Variants in PARM1 observed in about 807,000 individuals in gnomAD.
PARM1 encodes prostate androgen-regulated mucin-like protein 1.
In PARM1, 14 loss-of-function variants were observed where a neutral mutation model predicts 24.6. The observed-to-expected ratio is 0.57, with a 90% CI of 0.38 to 0.89. PARM1 has a LOEUF of 0.89. Among genes scored for constraint, PARM1 ranks in the 40% least tolerant of loss-of-function variants. The pLI is 0.00. For synonymous variants in PARM1, 179 were observed against 156.6 expected (o/e 1.14, Z -1.07); for missense variants, 362 against 380.4 (o/e 0.95, Z 0.40).
intron 1 of PARM1, among the ~76,000 whole-genome samples, chr4:74,941,612 T>A (rs1307149973): frequency 6.6e-6 from 1 of 152,216 alleles, no homozygotes; most frequent in Admixed American, 6.5e-5. Flanking sequence ...ATATAGTATT[T>A]GTTTTAGTGT....
chr4:75,029,304 A>T (rs1723236350), intron 2 of PARM1, among the ~76,000 whole-genome samples: 1 of 152,282 alleles, frequency 6.6e-6, no homozygotes, highest in African/African-American at 2.4e-5. Context: ...CCAGGATGTT[A>T]TCTGACTCTA....
intron 1 of PARM1, among the ~76,000 whole-genome samples, chr4:74,937,979 T>G (rs1430179759): frequency 6.6e-6 from 1 of 152,230 alleles, no homozygotes; most frequent in Non-Finnish European, 1.5e-5. Flanking sequence ...ATAGAAACTT[T>G]TGCAAACTGG....
intron 1 of PARM1, among the ~76,000 whole-genome samples, chr4:74,974,104 T>A (rs963306815): frequency 6.6e-6 from 1 of 152,166 alleles, no homozygotes; most frequent in African/African-American, 2.4e-5. Flanking sequence ...TGTCCCACAT[T>A]ATGCCATGAG....
chr4:75,046,144 T>G lies in PARM1; in HGVS notation c.849-19T>G. 1.3e-6 allele frequency: 2 copies of G among 1,575,100 alleles called. No individual in the cohort carries two copies. The highest frequency in any genetic ancestry group is 1.7e-6 in the Non-Finnish European group (2 of 1,144,778). On this transcript the variant is annotated intron_variant, in intron 3 of 3. Transcript: ENST00000307428. ...CAACTTTTCCAAGTAATCACAACCC[T>G]CTTCTGTTTCTCCACCAGGCATTCC...
At chr4:75,039,997 C>T (rs1024507281) in intron 3 of PARM1, among the ~76,000 whole-genome samples, 21 of 152,330 alleles carry the variant, frequency 1.4e-4, no homozygotes, top group Middle Eastern at 3.4e-3. Context: ...ATACCATGTG[C>T]TTCCCTGTAC....
chr4:74,984,827 T>G (rs913873545), intron 1 of PARM1, among the ~76,000 whole-genome samples: 1 of 152,194 alleles, frequency 6.6e-6, no homozygotes, highest in Non-Finnish European at 1.5e-5. Flanking sequence ...TTTAAAAGAT[T>G]GTTAAAGAAA....
intron 1 of PARM1, among the ~76,000 whole-genome samples, chr4:74,946,435 T>C (rs1263904793): frequency 6.6e-6 from 1 of 152,190 alleles, no homozygotes; most frequent in Non-Finnish European, 1.5e-5. Flanking sequence ...CTCTTGCCAG[T>C]CTTGGGACTT....
At chr4:74,966,450 T>G (rs1374068907) in intron 1 of PARM1, among the ~76,000 whole-genome samples, 1 of 152,162 alleles carries the variant, frequency 6.6e-6, no homozygotes, top group East Asian at 1.9e-4. Flanking sequence ...CTAAACCAAC[T>G]GAAGAGGATT....
In PARM1 at chr4:75,048,558, C is replaced by T. The variant is rs1723657084; in HGVS notation, c.*2311C>T. On this transcript the variant is annotated 3_prime_UTR_variant, in exon 4 of 4. Coordinates refer to ENST00000307428, the MANE Select transcript of PARM1 (RefSeq NM_015393.4). ...ATTTTGACACAATGTTTGTGAAACACCTTTGGAGAGGTGCACTTCTGAATG... is the reference window on the plus strand; with the variant it reads ...ATTTTGACACAATGTTTGTGAAACATCTTTGGAGAGGTGCACTTCTGAATG... The T allele has an allele frequency of 6.6e-6, 1 of 152,244 alleles. No homozygotes were observed. Among genetic ancestry groups the T allele is most frequent in the Admixed American group, 6.5e-5 (1 of 15,282 alleles). The allele number at this position is 152,244 out of a possible 1,614,324, so 9.4% of individuals were successfully genotyped here. A position where few individuals can be genotyped will look rare whatever the true frequency, so the allele number is the denominator to read the frequency against.
chr4:74,949,260 A>G (rs1341531803), intron 1 of PARM1, among the ~76,000 whole-genome samples: 1 of 152,130 alleles, frequency 6.6e-6, no homozygotes, highest in Non-Finnish European at 1.5e-5. Flanking sequence ...GAAAAAATGC[A>G]TCTATTTGTT....
intron 1 of PARM1, among the ~76,000 whole-genome samples, chr4:74,936,090 C>A (rs942227003): frequency 6.6e-6 from 1 of 152,200 alleles, no homozygotes; most frequent in Non-Finnish European, 1.5e-5. Flanking sequence ...CCACCTTGGT[C>A]ATCCAAAGTA....
At chr4:74,979,109 G>C (rs1274184130) in intron 1 of PARM1, among the ~76,000 whole-genome samples, 1 of 151,604 alleles carries the variant, frequency 6.6e-6, no homozygotes. Context: ...ACCAAGATCA[G>C]AGAGGAACAG....
At chr4:74,969,723 G>C (rs537443880) in intron 1 of PARM1, 2 of 152,350 alleles carry the variant, frequency 1.3e-5, no homozygotes, top group South Asian at 4.1e-4. Flanking sequence ...CTCGTGAGAA[G>C]GCAGGTGTCT....
intron 1 of PARM1, among the ~76,000 whole-genome samples, chr4:74,941,195 T>A (rs1270438039): frequency 6.6e-6 from 1 of 152,232 alleles, no homozygotes; most frequent in African/African-American, 2.4e-5. Flanking sequence ...ACAATGTTGA[T>A]GGAAATGACA....
At chr4:74,989,679 T>TAAAGACCAAG in intron 1 of PARM1, among the ~76,000 whole-genome samples, 1 of 152,266 alleles carries the variant, frequency 6.6e-6, no homozygotes, top group Admixed American at 6.5e-5. Flanking sequence ...TGTAGAAGTT[T>TAAAGACCAAG]TAGAGTAGGG....
chr4:75,030,435 A>G (rs1041025536), intron 2 of PARM1, among the ~76,000 whole-genome samples: 1 of 152,130 alleles, frequency 6.6e-6, no homozygotes, highest in Non-Finnish European at 1.5e-5. Flanking sequence ...AATGGTAGCT[A>G]TGGTTATTCT....
chr4:74,948,060 G>A (rs545954043), intron 1 of PARM1, among the ~76,000 whole-genome samples: 2 of 152,270 alleles, frequency 1.3e-5, no homozygotes, highest in African/African-American at 2.4e-5. Flanking sequence ...ATTCTAGAAT[G>A]CCACACTCCT....
intron 3 of PARM1, among the ~76,000 whole-genome samples, chr4:75,042,380 C>T (rs888316908): frequency 1.3e-5 from 2 of 152,140 alleles, no homozygotes; most frequent in African/African-American, 4.8e-5. Context: ...ATTGCTTTGA[C>T]CTTACAATGA....
intron 1 of PARM1, among the ~76,000 whole-genome samples, chr4:74,983,250 G>A (rs1212524444): frequency 1.3e-5 from 2 of 152,278 alleles, no homozygotes; most frequent in East Asian, 3.9e-4. Flanking sequence ...TATGGTCTGG[G>A]AATAGGTTTT....
Sources: gnomAD v4.1 joint callset for allele counts (sites outside exome capture counted in the v4.1 genomes callset) on GRCh38, gnomAD v4.1.1 for gene constraint, MANE v1.5 for transcripts, NCBI Gene and HGNC (gene_info 2026-07-23, HGNC 2026-07-21) for gene names.